BECN1: variants seen among roughly 807,000 people sequenced by gnomAD.
BECN1 encodes the protein beclin 1, also known as beclin-1.
In BECN1, 15 loss-of-function variants were observed where a neutral mutation model predicts 60.1. The observed-to-expected ratio is 0.25, with a 90% CI of 0.17 to 0.38. BECN1 has a LOEUF of 0.38. BECN1 is among the 10% of genes least tolerant of loss of function. BECN1 has a pLI of 1.00. For missense variants in BECN1, 424 were observed against 548.2 expected, an observed-to-expected ratio of 0.77 and a Z score of 2.26; for synonymous variants, 179 against 201.8, an observed-to-expected ratio of 0.89 and a Z score of 0.96.
intron 3 of BECN1, chr17:42,820,470 C>G (rs1021937819): frequency 1.3e-5 from 4 of 316,150 alleles, no homozygotes; most frequent in African/African-American, 2.1e-5. Context: ...CCTGGACACA[C>G]AGGTCATCCC....
At chr17:42,814,179 G>A (rs2055097156) in intron 9 of BECN1, 171 bp from the exon 10 acceptor site, 1 of 553,042 alleles carries the variant, frequency 1.8e-6, no homozygotes, top group African/African-American at 1.9e-5. Flanking sequence ...TTTGTTTAAT[G>A]AACAAACTAC....
intron 10 of BECN1, chr17:42,812,853 G>C (rs1299720082): frequency 9.2e-5 from 1 of 10,816 alleles, no homozygotes; most frequent in African/African-American, 3.2e-4. Flanking sequence ...TTTTTTTTTT[G>C]AGACAGAGGC....
rs1356939678 is a variant in BECN1, at chr17:42,810,590, G to A, written c.*170C>T. The A allele has an allele frequency of 1.5e-6, 1 of 658,302 alleles. No homozygotes were observed. The highest frequency in any genetic ancestry group is 1.9e-5 in the African/African-American group (1 of 53,290). The allele number at this position is 658,302 out of a possible 1,614,324, so 40.8% of individuals were successfully genotyped here. ...CTATAGATGGCATGTTGTAGCTCTG[G>A]AAAGTATCTGTCACATGATATTTTA... On this transcript the variant is annotated 3_prime_UTR_variant, in exon 12 of 12. Coordinates refer to ENST00000590099, the MANE Select transcript of BECN1 (RefSeq NM_001313998.2).
intron 7 of BECN1, among the ~76,000 whole-genome samples, chr17:42,816,649 C>T: frequency 1.3e-5 from 1 of 77,278 alleles, no homozygotes; most frequent in Admixed American, 1.6e-4. Context: ...GACTCTGTCT[C>T]AAAAAAAAAA....
At chr17:42,819,440 C>G (rs34300548) in intron 4 of BECN1, 108 bp downstream of exon 4, 1 of 1,224,866 alleles carries the variant, frequency 8.2e-7, no homozygotes, top group African/African-American at 1.5e-5. Context: ...GGCCAAAAGG[C>G]TAGGTGATGA....
In BECN1 at chr17:42,820,801, G is replaced by C. The variant is rs755788868; in HGVS notation, c.171C>G (p.Thr57=). 33 of 1,597,028 alleles carry C rather than the reference G, an allele frequency of 2.1e-5. No homozygotes were observed. The highest frequency in any genetic ancestry group is 2.6e-5 in the Non-Finnish European group (31 of 1,170,924). ...LTTAQAKPGE[T]QEEETNSGEE... is the part of the protein sequence containing the mutation. Reference sequence around the variant, plus strand: ...CTCCTGAGTTAGTCTCTTCCTCCTGGGTCTCTCCTGGTTTCGCCTGGGCTG... The same window carrying C: ...CTCCTGAGTTAGTCTCTTCCTCCTGCGTCTCTCCTGGTTTCGCCTGGGCTG... The change falls in exon 3 of 12, where the codon ACC becomes ACG. Residue 57 remains threonine (T), a synonymous_variant. Transcript: ENST00000590099.
At position 42,823,831 on chromosome 17, in the gene BECN1, A is replaced by T; in HGVS notation, c.47T>A (p.Phe16Tyr). The change falls in exon 2 of 12, where the codon TTC (phenylalanine) becomes TAC (tyrosine). Residue 16 changes from phenylalanine (F) to tyrosine (Y), a missense_variant. By Grantham distance (22) the Phe-to-Tyr change is conservative. Coordinates refer to ENST00000590099, the MANE Select transcript of BECN1 (RefSeq NM_001313998.2). Reference protein sequence around the residue: ...TSNNSTMQVSFVCQRCSQPLK... With the variant: ...TSNNSTMQVSYVCQRCSQPLK... ...GGGCTGGCTGCAGCGCTGGCACACG[A>T]AGCTCACCTGCATGGTGCTGTTGTT... The T allele has an allele frequency of 6.2e-7, 1 of 1,614,020 alleles. No individual in the cohort carries two copies. Among genetic ancestry groups the T allele is most frequent in the Admixed American group, 1.7e-5 (1 of 60,004 alleles).
At chr17:42,811,849 A>G (rs752579054) in intron 10 of BECN1, 52 bp from the exon 11 acceptor site, 1 of 1,584,826 alleles carries the variant, frequency 6.3e-7, no homozygotes, top group Non-Finnish European at 8.6e-7. Flanking sequence ...AAAGGCTTCC[A>G]GAGATTGTTC....
At chr17:42,819,015 C>T (rs2055205917) in intron 4 of BECN1, 138 bp from the exon 5 acceptor site, 3 of 862,702 alleles carry the variant, frequency 3.5e-6, no homozygotes, top group South Asian at 1.7e-5. Context: ...CCCGACTGAC[C>T]TCCCAAGGGT....
rs1351420082 is a variant in BECN1, at chr17:42,818,282, C to T, written c.622G>A (p.Val208Met). ...TGGACCTTCTCGAGATTTTCTGCCA[C>T]TATCTTGCGGTTCTTTTCCACGTCT... is the stretch of plus-strand genomic sequence containing the variant. ...LEDVEKNRKIVAENLEKVQAE... is the reference protein window; with the variant it reads ...LEDVEKNRKIMAENLEKVQAE... The change falls in exon 7 of 12, where the codon GTG becomes ATG. Residue 208 changes from valine to methionine, a missense_variant. Val to Met is a conservative substitution (Grantham distance 21, BLOSUM62 1). Coordinates refer to ENST00000590099, the MANE Select transcript of BECN1 (RefSeq NM_001313998.2). 1.9e-5 allele frequency: 30 copies of T among 1,614,136 alleles called. No homozygotes were observed. The highest frequency in any genetic ancestry group is 2.5e-5 in the Non-Finnish European group (30 of 1,180,048).
At chr17:42,820,584 G>C (rs1218769132) in intron 3 of BECN1, 190 bp downstream of exon 3, 3 of 550,038 alleles carry the variant, frequency 5.5e-6, no homozygotes, top group Non-Finnish European at 9.8e-6. Context: ...GTGCAGATCT[G>C]TACCTCCAAT....
chr17:42,816,933 G>T (rs1276624476), intron 7 of BECN1, among the ~76,000 whole-genome samples: 1 of 151,974 alleles, frequency 6.6e-6, no homozygotes, highest in African/African-American at 2.4e-5. Context: ...TCATGCCACT[G>T]CACTCCAGCC....
At chr17:42,820,997 C>T (rs1490095544) in intron 2 of BECN1, among the ~76,000 whole-genome samples, 156 bp from the exon 3 acceptor site, 1 of 152,192 alleles carries the variant, frequency 6.6e-6, no homozygotes, top group Non-Finnish European at 1.5e-5. Flanking sequence ...TGGTCTTCCT[C>T]ACCCCCATTA....
At chr17:42,818,755 T>C (rs1460135646) in intron 5 of BECN1, 32 bp downstream of exon 5, 1 of 1,613,988 alleles carries the variant, frequency 6.2e-7, no homozygotes, top group Non-Finnish European at 8.5e-7. Context: ...CAGCCAGGCC[T>C]ACTGCTTGCC....
chr17:42,815,647 A>T, intron 8 of BECN1: 1 of 511,606 alleles, frequency 2.0e-6, no homozygotes, highest in Non-Finnish European at 3.4e-6. Flanking sequence ...CGTGGGGATA[A>T]GAAATCAGCA....
At chr17:42,819,042 A>C (rs2055206390) in intron 4 of BECN1, 165 bp from the exon 5 acceptor site, 1 of 695,910 alleles carries the variant, frequency 1.4e-6, no homozygotes, top group Non-Finnish European at 2.4e-6. Flanking sequence ...CTCCCAAAGG[A>C]AGGCCATGCT....
intron 10 of BECN1, chr17:42,812,017 T>C (rs1597925452): frequency 3.9e-6 from 2 of 514,890 alleles, no homozygotes; most frequent in East Asian, 3.3e-5. Flanking sequence ...AAATGTACCA[T>C]AGGTTGAGCA....
At chr17:42,815,749 A>G (rs760596707) in intron 8 of BECN1, 159 bp downstream of exon 8, 1 of 911,066 alleles carries the variant, frequency 1.1e-6, no homozygotes, top group Non-Finnish European at 1.7e-6. Context: ...TAGAATTCCA[A>G]TCCCTACTGT....
Position 42,824,188 on chromosome 17 carries a change from T to C in BECN1, c.-36A>G. 1 of 424,516 alleles carries C rather than the reference T, an allele frequency of 2.4e-6. No individual in the cohort carries two copies. Among genetic ancestry groups the C allele is most frequent in the Non-Finnish European group, 4.2e-6 (1 of 239,232 alleles). The allele number at this position is 424,516 out of a possible 1,614,324, so 26.3% of individuals were successfully genotyped here. A position where few individuals can be genotyped will look rare whatever the true frequency, so the allele number is the denominator to read the frequency against. On this transcript the variant is annotated 5_prime_UTR_variant, in exon 1 of 12. Coordinates refer to ENST00000590099, the MANE Select transcript of BECN1 (RefSeq NM_001313998.2). ...CCCGGAGCCCGTCACCCAAGTCCGG[T>C]CTACCGCGGAGGCACTGTGGCCTCG... is the stretch of plus-strand genomic sequence containing the variant.
Sources: allele counts gnomAD v4.1 joint callset (sites outside exome capture counted in the v4.1 genomes callset), GRCh38; gene constraint gnomAD v4.1.1; transcripts MANE v1.5; gene names NCBI Gene and HGNC (gene_info 2026-07-23, HGNC 2026-07-21).